The following DNAH14 variants were observed in gnomAD, a reference collection of about 807,000 sequenced individuals.
DNAH14 encodes dynein axonemal heavy chain 14.
In DNAH14, 478 loss-of-function variants were observed where a neutral mutation model predicts 520.9. The ratio of observed to expected loss-of-function variants is 0.92; its 90% CI spans 0.85 to 0.99. The LOEUF is 0.99. Ranked by LOEUF, DNAH14 falls within the 50% of genes least tolerant of loss-of-function variation. The pLI, the probability that DNAH14 is intolerant of heterozygous loss-of-function variation, is 0.00. For synonymous variants in DNAH14, 1,581 were observed against 1,757.2 expected (o/e 0.90, Z 2.51); for missense variants, 4,831 against 5,234.5 (o/e 0.92, Z 2.38).
intron 56 of DNAH14, among the ~76,000 whole-genome samples, chr1:225,302,893 C>T (rs1039071850): frequency 2.0e-5 from 3 of 152,234 alleles, no homozygotes; most frequent in Admixed American, 2.0e-4. Context: ...GACATAAAGT[C>T]CCCTACTGAA....
At chr1:225,393,004 T>TGAAGGGCCACAGCTGTCATTTTCTAAA (rs2095941624) in intron 84 of DNAH14, among the ~76,000 whole-genome samples, 1 of 152,208 alleles carries the variant, frequency 6.6e-6, no homozygotes, top group Non-Finnish European at 1.5e-5. Flanking sequence ...CCCACTGATT[T>TGAAGGGCCACAGCTGTCATTTTCTAAA]GAAGGGCCAC....
At chr1:225,337,555 A>C in intron 67 of DNAH14, 59 bp downstream of exon 67, 3 of 1,374,586 alleles carry the variant, frequency 2.2e-6, no homozygotes, top group Non-Finnish European at 3.0e-6. Flanking sequence ...GTATGCACTG[A>C]GCATAAAGGC....
intron 1 of DNAH14, among the ~76,000 whole-genome samples, chr1:224,944,902 C>T (rs1187530499): frequency 6.6e-6 from 1 of 152,194 alleles, no homozygotes; most frequent in African/African-American, 2.4e-5. Flanking sequence ...GTAACCCTAC[C>T]TTTCTCTCTG....
chr1:225,227,705 C>T (rs1231898880), intron 41 of DNAH14, among the ~76,000 whole-genome samples: 1 of 152,038 alleles, frequency 6.6e-6, no homozygotes, highest in Non-Finnish European at 1.5e-5. Context: ...TATCCCAGAC[C>T]CCAAGTAAAG....
chr1:225,157,000 C>A (rs1281887162), intron 34 of DNAH14, among the ~76,000 whole-genome samples: 1 of 109,398 alleles, frequency 9.1e-6, no homozygotes, highest in Non-Finnish European at 1.9e-5. Context: ...CAGGCGTGAG[C>A]CACCGCGCCC....
chr1:225,243,924 G>T (rs531345469), intron 43 of DNAH14, among the ~76,000 whole-genome samples: 1 of 151,848 alleles, frequency 6.6e-6, no homozygotes, highest in Non-Finnish European at 1.5e-5. Flanking sequence ...GCATTGTGCC[G>T]GTTTTCAAAG....
At chr1:225,290,159 TGAAAA>T in intron 55 of DNAH14, 77 bp downstream of exon 55, 2 of 1,081,394 alleles carry the variant, frequency 1.8e-6, no homozygotes, top group Non-Finnish European at 2.5e-6. Context: ...ATTTAATATT[TGAAAA>T]GAAAACAAGA....
intron 67 of DNAH14, 52 bp from the exon 68 acceptor site, chr1:225,338,009 A>G (rs537509562): frequency 2.0e-6 from 3 of 1,472,472 alleles, no homozygotes; most frequent in African/African-American, 1.4e-5. Context: ...TTTTTTTTCA[A>G]CCAATTTGTT....
At chr1:225,290,126 A>G (rs1169453506) in intron 55 of DNAH14, 44 bp downstream of exon 55, 1 of 1,301,468 alleles carries the variant, frequency 7.7e-7, no homozygotes, top group South Asian at 2.4e-5. Flanking sequence ...TTTGATATCT[A>G]TGTGGCTACC....
intron 36 of DNAH14, among the ~76,000 whole-genome samples, chr1:225,181,273 G>T (rs2083960953): frequency 6.6e-6 from 1 of 152,172 alleles, no homozygotes; most frequent in South Asian, 2.1e-4. Flanking sequence ...ACTATGAATA[G>T]TGCTTCAATG....
chr1:225,182,016 G>C (rs973276339), intron 36 of DNAH14, among the ~76,000 whole-genome samples: 1 of 151,926 alleles, frequency 6.6e-6, no homozygotes, highest in Admixed American at 6.6e-5. Context: ...GTGAAACCCT[G>C]TCTTTACTAA....
At chr1:225,071,951 C>G (rs1468765175) in intron 17 of DNAH14, among the ~76,000 whole-genome samples, 1 of 152,168 alleles carries the variant, frequency 6.6e-6, no homozygotes, top group Non-Finnish European at 1.5e-5. Context: ...GGTGGGGACA[C>G]AGCCAAACCA....
At chr1:225,255,677 T>G (rs543765903) in intron 44 of DNAH14, among the ~76,000 whole-genome samples, 132 of 152,336 alleles carry the variant, frequency 8.7e-4, no homozygotes, top group Non-Finnish European at 1.7e-3. Flanking sequence ...CTTTATATTA[T>G]TCCTACAAAT....
intron 1 of DNAH14, among the ~76,000 whole-genome samples, chr1:224,937,707 T>C (rs1431135986): frequency 6.6e-6 from 1 of 152,066 alleles, no homozygotes; most frequent in Non-Finnish European, 1.5e-5. Flanking sequence ...ACTTCTAAAA[T>C]TTGTATGGAA....
chr1:225,162,788 A>G (rs949084298), intron 35 of DNAH14, among the ~76,000 whole-genome samples: 1 of 152,138 alleles, frequency 6.6e-6, no homozygotes, highest in Non-Finnish European at 1.5e-5. Context: ...TGTAGCTACT[A>G]TAAATGGGAT....
At chr1:225,012,845 C>G (rs2147922033) in intron 10 of DNAH14, among the ~76,000 whole-genome samples, 1 of 152,242 alleles carries the variant, frequency 6.6e-6, no homozygotes, top group African/African-American at 2.4e-5. Context: ...ACTGGTTATT[C>G]TAGTTAGAAA....
chr1:225,095,772 AT>A (rs1318104652), intron 21 of DNAH14, among the ~76,000 whole-genome samples: 1 of 152,174 alleles, frequency 6.6e-6, no homozygotes, highest in Non-Finnish European at 1.5e-5. Flanking sequence ...TTTATATAAA[AT>A]TCTGGAAAAT....
intron 10 of DNAH14, among the ~76,000 whole-genome samples, chr1:225,021,986 A>G (rs2065739400): frequency 6.6e-6 from 1 of 151,552 alleles, no homozygotes; most frequent in South Asian, 2.1e-4. Flanking sequence ...ACAGTCTACA[A>G]TGACAACAAT....
At chr1:225,141,180 C>T (rs1573452565) in intron 28 of DNAH14, among the ~76,000 whole-genome samples, 159 bp downstream of exon 28, 1 of 152,008 alleles carries the variant, frequency 6.6e-6, no homozygotes, top group African/African-American at 2.4e-5. Flanking sequence ...ATATTAGTCC[C>T]CCTTTATCTG....
Sources: gnomAD v4.1 joint callset for allele counts (sites outside exome capture counted in the v4.1 genomes callset) on GRCh38, gnomAD v4.1.1 for gene constraint, MANE v1.5 for transcripts, NCBI Gene and HGNC (gene_info 2026-07-23, HGNC 2026-07-21) for gene names.